SGCZ: variants seen among roughly 807,000 people sequenced by gnomAD.
The protein encoded by SGCZ is zeta-sarcoglycan.
SGCZ carries 40 observed loss-of-function variants against 41.3 expected under a neutral mutation model. The ratio of observed to expected loss-of-function variants is 0.97; its 90% confidence interval spans 0.75 to 1.26. The LOEUF (loss-of-function observed/expected upper bound fraction) is 1.26, where lower values mean the gene tolerates loss of function less well. Among genes scored for constraint, SGCZ ranks in the 50% most tolerant of loss-of-function variants. The probability of loss-of-function intolerance (pLI) is 0.00; values close to 1 mark genes in which losing one functional copy is unlikely to be tolerated. For missense variants in SGCZ, 552 were observed against 369.8 expected (o/e 1.49, Z -4.04); for synonymous variants, 206 against 137.5 (o/e 1.50, Z -3.49).
At chr8:14,945,259 C>A (rs530340680) in intron 1 of SGCZ, among the ~76,000 whole-genome samples, 2 of 152,016 alleles carry the variant, frequency 1.3e-5, no homozygotes. Flanking sequence ...AACTATGATA[C>A]AAGAAAAATC....
Position 14,854,132 on chromosome 8 carries a change from T to C in SGCZ, c.40-299206A>G, listed in dbSNP as rs1251853017. Among the ~76,000 whole-genome samples, 6 of 149,770 alleles carry C rather than the reference T, an allele frequency of 4.0e-5. No homozygotes were observed. The East Asian group carries it at 7.9e-4, about 20-fold the overall frequency. On this transcript the variant is annotated intron_variant, in intron 1 of 7. Coordinates refer to ENST00000382080, the MANE Select transcript of SGCZ (RefSeq NM_139167.4). ...TCTCCTTGCACAGAGTCACAAAATGTAAATTGAAATACATTATTGTTATTA... is the reference window on the plus strand; with the variant it reads ...TCTCCTTGCACAGAGTCACAAAATGCAAATTGAAATACATTATTGTTATTA...
At chr8:14,512,357 C>T (rs1426417320) in intron 2 of SGCZ, among the ~76,000 whole-genome samples, 7 of 152,136 alleles carry the variant, frequency 4.6e-5, no homozygotes, top group Non-Finnish European at 7.4e-5. Flanking sequence ...TAAATTCTTC[C>T]TTGCCTATCA....
At chr8:14,578,493 G>C (rs1290030270) in intron 1 of SGCZ, among the ~76,000 whole-genome samples, 1 of 152,094 alleles carries the variant, frequency 6.6e-6, no homozygotes, top group Non-Finnish European at 1.5e-5. Flanking sequence ...ACATATCAGA[G>C]TTATTTTTCT....
intron 1 of SGCZ, among the ~76,000 whole-genome samples, chr8:14,816,569 G>C (rs775410556): frequency 6.6e-6 from 1 of 152,108 alleles, no homozygotes; most frequent in African/African-American, 2.4e-5. Flanking sequence ...AATGATGTTG[G>C]ATGGGAACAA....
chr8:14,440,590 A>T (rs1563330696), intron 2 of SGCZ, among the ~76,000 whole-genome samples: 1 of 152,116 alleles, frequency 6.6e-6, no homozygotes, highest in Non-Finnish European at 1.5e-5. Flanking sequence ...ACCTATGTGT[A>T]ATTGTTAAAA....
Position 15,160,359 on chromosome 8 carries a change from T to C in SGCZ, c.39+77226A>G, listed in dbSNP as rs766509477. 1.9e-4 allele frequency among the ~76,000 whole-genome samples: 29 copies of C among 152,310 alleles called. No individual in the cohort carries two copies. The Middle Eastern group carries it at 0.017, about 89-fold the overall frequency. On this transcript the variant is annotated intron_variant, in intron 1 of 7. Coordinates refer to ENST00000382080, the MANE Select transcript of SGCZ (RefSeq NM_139167.4). ...TTTGAATAATATTCCATTTTACATA[T>C]CTACTCCGCTGTGTTTATCGATTTA...
At chr8:14,837,198 C>T (rs1802728104) in intron 1 of SGCZ, among the ~76,000 whole-genome samples, 1 of 152,086 alleles carries the variant, frequency 6.6e-6, no homozygotes, top group Non-Finnish European at 1.5e-5. Flanking sequence ...TAAATATGTG[C>T]ACCAGTCAAG....
rs1439707212 is a variant in SGCZ, at chr8:14,257,468, G to T, written c.337-19789C>A. Among the ~76,000 whole-genome samples, 4 of 148,192 alleles carry T rather than the reference G, an allele frequency of 2.7e-5. No homozygotes were observed. In the Admixed American group the frequency reaches 2.7e-4, roughly 10 times the overall value. On this transcript the variant is annotated intron_variant, in intron 3 of 7. Transcript: ENST00000382080. Reference sequence around the variant, plus strand: ...TCTTTTTTTTTAATACATCCAAAAAGTACATTTTAACGTATGACAATTTTT... The same window carrying T: ...TCTTTTTTTTTAATACATCCAAAAATTACATTTTAACGTATGACAATTTTT...
intron 1 of SGCZ, among the ~76,000 whole-genome samples, chr8:14,573,921 G>C (rs1006317911): frequency 6.6e-6 from 1 of 152,108 alleles, no homozygotes; most frequent in Non-Finnish European, 1.5e-5. Context: ...CCATAGAAGG[G>C]AGCTAGGAAC....
intron 1 of SGCZ, among the ~76,000 whole-genome samples, chr8:14,696,096 G>A (rs959901193): frequency 2.0e-5 from 3 of 151,880 alleles, no homozygotes; most frequent in Non-Finnish European, 4.4e-5. Context: ...GTTGTATTTC[G>A]GTTGCTTTTT....
chr8:14,809,774 A>G (rs6995984), intron 1 of SGCZ, among the ~76,000 whole-genome samples: 16,557 of 152,122 alleles, frequency 0.11, 928 homozygotes, highest in Middle Eastern at 0.16. Context: ...AAAACTTTCT[A>G]TGATATTGAT....
chr8:14,395,115 T>C (rs950675377), intron 2 of SGCZ, among the ~76,000 whole-genome samples: 2 of 152,228 alleles, frequency 1.3e-5, no homozygotes, highest in East Asian at 3.8e-4. Context: ...ATGTGCTCAG[T>C]AAATACTCTA....
intron 2 of SGCZ, among the ~76,000 whole-genome samples, chr8:14,383,597 A>G (rs1804452374): frequency 6.6e-6 from 1 of 152,242 alleles, no homozygotes; most frequent in Admixed American, 6.5e-5. Flanking sequence ...AGGTGCTCCC[A>G]GGAGGTAAAG....
chr8:14,230,188 G>C lies in SGCZ; in HGVS notation c.424+7404C>G, dbSNP rs541419433. ...TGACTCCCTTCTCCAAAGGTAAAAA[G>C]TAGTTTTTCATTATTTAGACTTGGA... On this transcript the variant is annotated intron_variant, in intron 4 of 7. Coordinates refer to ENST00000382080, the MANE Select transcript of SGCZ (RefSeq NM_139167.4). 1.2e-4 allele frequency among the ~76,000 whole-genome samples: 18 copies of C among 152,150 alleles called. No homozygotes were observed. In the South Asian group the frequency reaches 3.7e-3, roughly 32 times the overall value.
At chr8:14,665,383 G>C (rs188224764) in intron 1 of SGCZ, among the ~76,000 whole-genome samples, 3 of 152,218 alleles carry the variant, frequency 2.0e-5, no homozygotes, top group Non-Finnish European at 4.4e-5. Flanking sequence ...TGGTGTATAC[G>C]TGCCACATCG....
At chr8:14,518,638 C>T (rs1298741468) in intron 2 of SGCZ, among the ~76,000 whole-genome samples, 1 of 151,998 alleles carries the variant, frequency 6.6e-6, no homozygotes, top group Non-Finnish European at 1.5e-5. Context: ...CATTGACTTA[C>T]TTTTGGCAGC....
At chr8:14,744,812 G>A (rs1330615104) in intron 1 of SGCZ, among the ~76,000 whole-genome samples, 2 of 152,040 alleles carry the variant, frequency 1.3e-5, no homozygotes, top group Admixed American at 6.6e-5. Flanking sequence ...GTACCAGCAG[G>A]GTAAAGTGAA....
At chr8:14,652,150 G>A (rs578183500) in intron 1 of SGCZ, among the ~76,000 whole-genome samples, 73 of 151,736 alleles carry the variant, frequency 4.8e-4, no homozygotes, top group Non-Finnish European at 4.4e-4. Flanking sequence ...AAATACATGA[G>A]TTCAAGATGG....
At chr8:15,113,219 AAAAC>A (rs1298024996) in intron 1 of SGCZ, among the ~76,000 whole-genome samples, 1 of 151,988 alleles carries the variant, frequency 6.6e-6, no homozygotes, top group Non-Finnish European at 1.5e-5. Context: ...AAAAAAAAAA[AAAAC>A]AAAAAGAAAA....
Sources: allele counts gnomAD v4.1 joint callset (sites outside exome capture counted in the v4.1 genomes callset), GRCh38; gene constraint gnomAD v4.1.1; transcripts MANE v1.5; gene names NCBI Gene and HGNC (gene_info 2026-07-23, HGNC 2026-07-21).